CDYL: variants seen among roughly 807,000 people sequenced by gnomAD.
CDYL encodes the protein chromodomain Y like, also known as chromodomain Y-like protein.
CDYL carries 8 observed loss-of-function variants against 47.3 expected under a neutral mutation model. That is an observed-to-expected ratio of 0.17 (90% confidence interval 0.10 to 0.31). The LOEUF is 0.31. Among genes scored for constraint, CDYL ranks in the 10% least tolerant of loss-of-function variants. CDYL has a pLI of 1.00. For missense variants in CDYL, 471 were observed against 701.4 expected (o/e 0.67, Z 3.71); for synonymous variants, 266 against 265.0 (o/e 1.00, Z -0.04).
intron 1 of CDYL, among the ~76,000 whole-genome samples, chr6:4,783,337 T>G (rs1758668191): frequency 6.6e-6 from 1 of 152,068 alleles, no homozygotes. Context: ...ATAAAACCAG[T>G]TAATTGGTTA....
chr6:4,724,438 GCCAA>G (rs1757449822), intron 2 of CDYL: 1 of 152,342 alleles, frequency 6.6e-6, no homozygotes, highest in Admixed American at 6.6e-5. Context: ...GCAGTACTGT[GCCAA>G]ATGTCTATAC....
At chr6:4,868,242 AC>A (rs1242793342) in intron 1 of CDYL, among the ~76,000 whole-genome samples, 1 of 151,820 alleles carries the variant, frequency 6.6e-6, no homozygotes, top group Admixed American at 6.6e-5. Flanking sequence ...AGTGTTTAAA[AC>A]TACAATTTTC....
chr6:4,878,614 T>C (rs1314946725), intron 1 of CDYL, among the ~76,000 whole-genome samples: 1 of 152,132 alleles, frequency 6.6e-6, no homozygotes, highest in Non-Finnish European at 1.5e-5. Flanking sequence ...TTAATGTCTG[T>C]AGGATCTGTA....
intron 5 of CDYL, 44 bp from the exon 6 acceptor site, chr6:4,952,222 C>T: frequency 6.3e-7 from 1 of 1,593,296 alleles, no homozygotes; most frequent in Non-Finnish European, 8.6e-7. Flanking sequence ...TCCCCGCCCG[C>T]CTCCCACCGC....
intron 3 of CDYL, 58 bp downstream of exon 3, chr6:4,935,829 G>C: frequency 1.9e-6 from 3 of 1,600,802 alleles, no homozygotes; most frequent in Non-Finnish European, 2.6e-6. Flanking sequence ...TGATTTCCAG[G>C]CCTGCCTGGC....
At chr6:4,807,590 T>C (rs1031308942) in intron 1 of CDYL, among the ~76,000 whole-genome samples, 1 of 107,130 alleles carries the variant, frequency 9.3e-6, no homozygotes, top group African/African-American at 3.7e-5. Context: ...TTCATTCATG[T>C]CTTTTTTTTT....
intron 2 of CDYL, among the ~76,000 whole-genome samples, chr6:4,927,579 C>A (rs1306367552): frequency 6.6e-6 from 1 of 152,008 alleles, no homozygotes; most frequent in Non-Finnish European, 1.5e-5. Flanking sequence ...CCACACCCGA[C>A]TAATTTTTGC....
At chr6:4,937,994 G>A (rs1758249295) in intron 4 of CDYL, among the ~76,000 whole-genome samples, 1 of 152,194 alleles carries the variant, frequency 6.6e-6, no homozygotes, top group African/African-American at 2.4e-5. Flanking sequence ...TGATTTCAAG[G>A]TTGGTTTAAA....
chr6:4,895,201 G>A (rs1390335904), intron 2 of CDYL, among the ~76,000 whole-genome samples: 2 of 144,528 alleles, frequency 1.4e-5, no homozygotes, highest in African/African-American at 5.3e-5. Context: ...ATGTATACAT[G>A]AGTATATATG....
intron 1 of CDYL, among the ~76,000 whole-genome samples, chr6:4,869,743 CT>C (rs1466214791): frequency 1.3e-5 from 2 of 152,150 alleles, no homozygotes; most frequent in Non-Finnish European, 2.9e-5. Flanking sequence ...CTCCTCCCCC[CT>C]CCTTTTTGGT....
At chr6:4,789,800 C>T (rs1758869471) in intron 1 of CDYL, among the ~76,000 whole-genome samples, 2 of 152,198 alleles carry the variant, frequency 1.3e-5, no homozygotes, top group South Asian at 4.1e-4. Context: ...GTAGGGCCCC[C>T]GCAGCACTCC....
At chr6:4,742,203 A>T (rs1417153011) in intron 3 of CDYL, among the ~76,000 whole-genome samples, 1 of 152,018 alleles carries the variant, frequency 6.6e-6, no homozygotes, top group Non-Finnish European at 1.5e-5. Context: ...AAAATAAAAA[A>T]TAAAATTTTT....
upstream of CDYL, chr6:4,775,167 T>C (rs909031868): frequency 6.5e-6 from 1 of 152,950 alleles, no homozygotes; most frequent in Non-Finnish European, 1.5e-5. The surrounding 1 kb of genome is among the most constrained non-coding windows in gnomAD (Gnocchi z 7.0). Flanking sequence ...GCCCGAAGGA[T>C]GCCCGGGGAG....
intron 2 of CDYL, among the ~76,000 whole-genome samples, chr6:4,719,268 A>G (rs1181217552): frequency 6.6e-6 from 1 of 152,202 alleles, no homozygotes; most frequent in Non-Finnish European, 1.5e-5. Flanking sequence ...AAACATCTTC[A>G]TATGTATACT....
chr6:4,937,505 A>AAG, intron 3 of CDYL, 60 bp from the exon 4 acceptor site: 1 of 1,341,912 alleles, frequency 7.5e-7, no homozygotes, highest in Non-Finnish European at 9.8e-7. Context: ...AAAAAAAAAA[A>AAG]TGCTTTAAGA....
intron 1 of CDYL, among the ~76,000 whole-genome samples, chr6:4,842,153 A>T (rs1019996301): frequency 6.9e-6 from 1 of 143,976 alleles, no homozygotes; most frequent in South Asian, 2.1e-4. Flanking sequence ...TTACTTATAT[A>T]TTATAAATAT....
chr6:4,936,516 G>A (rs539749195), intron 3 of CDYL, among the ~76,000 whole-genome samples: 6 of 152,256 alleles, frequency 3.9e-5, no homozygotes, highest in Admixed American at 3.9e-4. Context: ...TAACAAACCA[G>A]TTCAAAGTTG....
chr6:4,734,427 C>T (rs1241203319), intron 2 of CDYL, among the ~76,000 whole-genome samples: 4 of 152,184 alleles, frequency 2.6e-5, no homozygotes, highest in Admixed American at 6.5e-5. Flanking sequence ...CCACCTTGGG[C>T]GGGTCACCAG....
intron 1 of CDYL, chr6:4,889,941 G>A: frequency 1.0e-6 from 1 of 983,946 alleles, no homozygotes. Context: ...CCTGGGGCCT[G>A]GCAGCAGCAG....
Sources: allele counts gnomAD v4.1 joint callset (sites outside exome capture counted in the v4.1 genomes callset), GRCh38; gene constraint gnomAD v4.1.1; non-coding constraint Gnocchi (gnomAD v3.1); transcripts MANE v1.5; gene names NCBI Gene and HGNC (gene_info 2026-07-23, HGNC 2026-07-21).